The following LPGAT1 variants were observed in gnomAD, a reference collection of about 807,000 sequenced individuals.
LPGAT1 encodes the protein lysophosphatidylglycerol acyltransferase 1, also known as acyl-CoA:lysophosphatidylglycerol acyltransferase 1.
LPGAT1 carries 11 observed loss-of-function variants against 47.5 expected under a neutral mutation model. The ratio of observed to expected loss-of-function variants is 0.23; its 90% CI spans 0.15 to 0.38. The LOEUF is 0.38. Ranked by LOEUF, LPGAT1 falls within the 10% of genes least tolerant of loss-of-function variation. The pLI, the probability that LPGAT1 is intolerant of heterozygous loss-of-function variation, is 1.00. For synonymous variants in LPGAT1, 138 were observed against 144.2 expected (o/e 0.96, Z 0.31); for missense variants, 293 against 439.0 (o/e 0.67, Z 2.97).
At chr1:211,800,793 A>G (rs1002420552) in intron 2 of LPGAT1, among the ~76,000 whole-genome samples, 2 of 152,232 alleles carry the variant, frequency 1.3e-5, no homozygotes, top group Non-Finnish European at 2.9e-5. Context: ...AGGTTAAATA[A>G]CAAGTGAGAA....
At chr1:211,759,633 T>A (rs1044210802) in intron 6 of LPGAT1, among the ~76,000 whole-genome samples, 1 of 152,210 alleles carries the variant, frequency 6.6e-6, no homozygotes, top group African/African-American at 2.4e-5. Flanking sequence ...TTACTTTCTA[T>A]AATATTAGCA....
chr1:211,772,859 G>T (rs1307428086), intron 6 of LPGAT1, among the ~76,000 whole-genome samples: 2 of 152,130 alleles, frequency 1.3e-5, no homozygotes, highest in Non-Finnish European at 2.9e-5. Context: ...CTGTTTTGTT[G>T]TCTTAGGGAG....
chr1:211,795,821 T>C (rs1659330409), intron 2 of LPGAT1, among the ~76,000 whole-genome samples: 1 of 152,124 alleles, frequency 6.6e-6, no homozygotes, highest in African/African-American at 2.4e-5. Flanking sequence ...CAATCTTCAT[T>C]CAATAAATCA....
chr1:211,777,772 G>A (rs1658465101), intron 6 of LPGAT1, among the ~76,000 whole-genome samples: 1 of 152,080 alleles, frequency 6.6e-6, no homozygotes, highest in African/African-American at 2.4e-5. Context: ...CCTGAATACG[G>A]GCTGGGTAAA....
chr1:211,789,175 A>G (rs988008715), intron 3 of LPGAT1, among the ~76,000 whole-genome samples: 2 of 152,226 alleles, frequency 1.3e-5, no homozygotes, highest in African/African-American at 4.8e-5. Flanking sequence ...TGTTTAAATA[A>G]GCTGAGATTT....
intron 6 of LPGAT1, among the ~76,000 whole-genome samples, chr1:211,756,149 T>A (rs1010790521): frequency 2.0e-5 from 3 of 151,886 alleles, no homozygotes; most frequent in Non-Finnish European, 4.4e-5. Context: ...GGCAGGAGAA[T>A]TGCTTGAACC....
At chr1:211,770,096 A>C (rs1256386250) in intron 6 of LPGAT1, among the ~76,000 whole-genome samples, 1 of 152,220 alleles carries the variant, frequency 6.6e-6, no homozygotes, top group Admixed American at 6.5e-5. Flanking sequence ...CTCTCATAAC[A>C]AAAAATAATA....
At chr1:211,814,958 CTG>C (rs1449816513) in intron 2 of LPGAT1, among the ~76,000 whole-genome samples, 3 of 152,218 alleles carry the variant, frequency 2.0e-5, no homozygotes, top group Non-Finnish European at 4.4e-5. Context: ...CATTGAAACA[CTG>C]TGGACTTCTG....
rs930718489 is a variant in LPGAT1 at position 211,779,015 on chromosome 1, T to C, written c.757A>G (p.Ile253Val). The stretch of plus-strand genomic sequence containing the variant: ...TTGGGATAAGCTATCGTTGTATCTA[T>C]TATCCACTGGAGGCCTTTTGATTTG... ...DSKSKGLQWIIDTTIAYPKAE... is the reference protein window; with the variant it reads ...DSKSKGLQWIVDTTIAYPKAE... The change falls in exon 6 of 8, where the codon ATA (isoleucine) becomes GTA (valine). Residue 253 changes from isoleucine (I) to valine (V), a missense_variant. Ile to Val is a conservative substitution (Grantham distance 29). Transcript: ENST00000366997. 1.2e-6 allele frequency: 2 copies of C among 1,601,204 alleles called. No homozygotes were observed. Among genetic ancestry groups the C allele is most frequent in the Non-Finnish European group, 1.7e-6 (2 of 1,176,466 alleles).
chr1:211,748,571 G>C lies in LPGAT1; in HGVS notation c.*1328C>G, dbSNP rs933303909. The C allele has an allele frequency of 8.5e-5, 13 of 152,346 alleles. No individual in the cohort carries two copies. The highest frequency in any genetic ancestry group is 1.5e-5 in the Non-Finnish European group (1 of 68,180). The allele number at this position is 152,346 out of a possible 1,614,324, so 9.4% of individuals were successfully genotyped here. A position where few individuals can be genotyped will look rare whatever the true frequency, so the allele number is the denominator to read the frequency against. ...ATGATGGTGGGTGCCTGTAGTCCCAGCTACTCGGGAGGCTGAGGCAGGAGA... is the reference window on the plus strand; with the variant it reads ...ATGATGGTGGGTGCCTGTAGTCCCACCTACTCGGGAGGCTGAGGCAGGAGA... On this transcript the variant is annotated 3_prime_UTR_variant, in exon 8 of 8. Transcript: ENST00000366997.
In LPGAT1 at chr1:211,830,638, CGGCGGGGCCGGCGGAAGAA is replaced by C. The variant is rs1660705843; in HGVS notation, c.-112_-94del. Reference sequence around the variant, plus strand: ...AGGAGCCGGAAGAATGCATGGCCGGCGGCGGGGCCGGCGGAAGAAGGCGGTGGCGGGGCCCTGCCCCGCT... The same window carrying C: ...AGGAGCCGGAAGAATGCATGGCCGGCGGCGGTGGCGGGGCCCTGCCCCGCT... On this transcript the variant is annotated 5_prime_UTR_variant, in exon 1 of 8. Transcript: ENST00000366997. The surrounding 1 kb of genome is among the most constrained non-coding windows in gnomAD (Gnocchi z 5.9). The C allele has an allele frequency of 8.3e-7, 1 of 1,202,964 alleles. No individual in the cohort carries two copies. Among genetic ancestry groups the C allele is most frequent in the Middle Eastern group, 3.3e-4 (1 of 3,030 alleles). 74.5% of individuals were successfully genotyped at this position (1,202,964 alleles called of 1,614,324 possible).
At position 211,830,644 on chromosome 1, in the gene LPGAT1, G is replaced by T; in HGVS notation, c.-99C>A. Reference sequence around the variant, plus strand: ...CGGAAGAATGCATGGCCGGCGGCGGGGCCGGCGGAAGAAGGCGGTGGCGGG... The same window carrying T: ...CGGAAGAATGCATGGCCGGCGGCGGTGCCGGCGGAAGAAGGCGGTGGCGGG... On this transcript the variant is annotated 5_prime_UTR_variant, in exon 1 of 8. Transcript: ENST00000366997. This position sits in a 1 kb window ranked among gnomAD's most constrained non-coding sequence, Gnocchi z 5.9. The T allele has an allele frequency of 8.3e-7, 1 of 1,203,796 alleles. No individual in the cohort carries two copies. Among genetic ancestry groups the T allele is most frequent in the Non-Finnish European group, 1.0e-6 (1 of 969,762 alleles). 74.6% of individuals were successfully genotyped at this position (1,203,796 alleles called of 1,614,324 possible). A position where few individuals can be genotyped will look rare whatever the true frequency, so the allele number is the denominator to read the frequency against.
At chr1:211,791,774 C>T (rs374360790) in intron 3 of LPGAT1, among the ~76,000 whole-genome samples, 3 of 121,766 alleles carry the variant, frequency 2.5e-5, no homozygotes, top group African/African-American at 8.6e-5. Flanking sequence ...AACAAACAAA[C>T]AAAAAAAAAA....
chr1:211,802,457 G>A (rs1251333515), intron 2 of LPGAT1, among the ~76,000 whole-genome samples: 1 of 151,706 alleles, frequency 6.6e-6, no homozygotes, highest in African/African-American at 2.4e-5. Flanking sequence ...CAAGAGACCA[G>A]CATTAATATC....
chr1:211,760,396 G>A (rs578115345), intron 6 of LPGAT1, among the ~76,000 whole-genome samples: 4 of 152,274 alleles, frequency 2.6e-5, no homozygotes, highest in African/African-American at 7.2e-5. Flanking sequence ...CAGAGGTTGC[G>A]GTGAGCCGAG....
chr1:211,807,980 T>C (rs1659822009), intron 2 of LPGAT1, among the ~76,000 whole-genome samples: 2 of 152,142 alleles, frequency 1.3e-5, no homozygotes, highest in Admixed American at 6.5e-5. Context: ...AATGTAAACA[T>C]TTTAATGAGG....
chr1:211,755,447 T>C (rs1440227829), intron 6 of LPGAT1, among the ~76,000 whole-genome samples: 2 of 152,006 alleles, frequency 1.3e-5, no homozygotes, highest in Non-Finnish European at 2.9e-5. Context: ...AGAATATTAC[T>C]TATGAATTAC....
chr1:211,793,815 T>A (rs1659239978), intron 2 of LPGAT1, among the ~76,000 whole-genome samples: 1 of 152,186 alleles, frequency 6.6e-6, no homozygotes, highest in Admixed American at 6.5e-5. Flanking sequence ...GATATATGTA[T>A]AAAGAATGTT....
intron 2 of LPGAT1, among the ~76,000 whole-genome samples, chr1:211,817,037 T>A (rs1286160539): frequency 6.6e-6 from 1 of 152,142 alleles, no homozygotes; most frequent in Non-Finnish European, 1.5e-5. Flanking sequence ...ACAAATTCTA[T>A]CCCAACCGTA....
Sources: allele counts gnomAD v4.1 joint callset (sites outside exome capture counted in the v4.1 genomes callset), GRCh38; gene constraint gnomAD v4.1.1; non-coding constraint Gnocchi (gnomAD v3.1); transcripts MANE v1.5; gene names NCBI Gene and HGNC (gene_info 2026-07-23, HGNC 2026-07-21).